The following FOXO3 variants were observed in gnomAD, a reference collection of about 807,000 sequenced individuals.
FOXO3 encodes forkhead box protein O3.
Under a neutral mutation model 41.9 loss-of-function variants are expected in FOXO3, and 4 were observed. That is an observed-to-expected ratio of 0.10 (90% CI 0.05 to 0.22). The LOEUF (loss-of-function observed/expected upper bound fraction) is 0.22. Among genes scored for constraint, FOXO3 ranks in the 10% least tolerant of loss-of-function variants. The pLI, the probability that FOXO3 is intolerant of heterozygous loss-of-function variation, is 1.00. For missense variants in FOXO3, 534 were observed against 906.8 expected (o/e 0.59, Z 5.28); for synonymous variants, 318 against 389.3 (o/e 0.82, Z 2.16).
At chr6:108,639,254 A>T (rs1347879730) in intron 1 of FOXO3, among the ~76,000 whole-genome samples, 1 of 152,128 alleles carries the variant, frequency 6.6e-6, no homozygotes, top group African/African-American at 2.4e-5. Context: ...GCTTCCTTTC[A>T]TATGCAAAGC....
Position 108,682,334 on chromosome 6 carries a change from A to C in FOXO3, c.*2542A>C, listed in dbSNP as rs1004640059. On this transcript the variant is annotated 3_prime_UTR_variant, in exon 3 of 3. Coordinates refer to ENST00000406360, the MANE Select transcript of FOXO3 (RefSeq NM_001455.4). ...AAGGGACAGAGAAGGTACAAGGGCA[A>C]GGCAGCACAAAACAGATCAGGAGAA... is the stretch of plus-strand genomic sequence containing the variant. 1 of 152,646 alleles carries C rather than the reference A, an allele frequency of 6.6e-6. No individual in the cohort carries two copies. Among genetic ancestry groups the C allele is most frequent in the Non-Finnish European group, 1.5e-5 (1 of 68,046 alleles). 9.5% of individuals were successfully genotyped at this position (152,646 alleles called of 1,614,324 possible).
intron 2 of FOXO3, among the ~76,000 whole-genome samples, chr6:108,677,473 GTC>G (rs960535005): frequency 6.6e-6 from 1 of 152,164 alleles, no homozygotes; most frequent in Non-Finnish European, 1.5e-5. Flanking sequence ...CACACTCCCT[GTC>G]TCTGTACTTG....
chr6:108,669,021 G>T (rs1023345994), intron 2 of FOXO3, among the ~76,000 whole-genome samples: 1 of 152,184 alleles, frequency 6.6e-6, no homozygotes, highest in Non-Finnish European at 1.5e-5. Flanking sequence ...GCTGAGGCAG[G>T]AGAATGGCGT....
At chr6:108,570,515 T>G in intron 1 of FOXO3, among the ~76,000 whole-genome samples, 1 of 151,968 alleles carries the variant, frequency 6.6e-6, no homozygotes, top group Non-Finnish European at 1.5e-5. Context: ...TTTGTAGAGA[T>G]ATGAGGTCTC....
At chr6:108,626,068 A>T (rs1319285262) in intron 1 of FOXO3, among the ~76,000 whole-genome samples, 1 of 152,196 alleles carries the variant, frequency 6.6e-6, no homozygotes, top group Non-Finnish European at 1.5e-5. Context: ...GTCTGAGGCT[A>T]TTTAGTGTAG....
At chr6:108,606,291 G>A (rs1777198412) in intron 1 of FOXO3, among the ~76,000 whole-genome samples, 1 of 152,186 alleles carries the variant, frequency 6.6e-6, no homozygotes, top group Admixed American at 6.5e-5. Flanking sequence ...TCTGAATCCA[G>A]TTCCACAGTA....
At chr6:108,649,955 A>G (rs922483373) in intron 1 of FOXO3, among the ~76,000 whole-genome samples, 10 of 152,146 alleles carry the variant, frequency 6.6e-5, no homozygotes, top group Admixed American at 5.9e-4. Context: ...TGGCCCCCAT[A>G]TATTTAATGA....
chr6:108,574,126 C>T (rs1426519571), intron 1 of FOXO3, among the ~76,000 whole-genome samples: 1 of 145,988 alleles, frequency 6.8e-6, no homozygotes, highest in East Asian at 2.0e-4. Context: ...GCACTTCAGC[C>T]TGGGCGACAG....
At position 108,664,062 on chromosome 6, in the gene FOXO3, G is replaced by A. The variant is rs769809854; in HGVS notation, c.1229G>A (p.Arg410Gln). ...QPSPTGGLMQ[R>Q]SSSFPYTTKG... ...TCGCCCACTGGGGGACTCATGCAGC[G>A]GAGCTCTAGCTTCCCGTATACCACC... The change falls in exon 2 of 3, where the codon CGG becomes CAG. Residue 410 changes from arginine (R) to glutamine (Q), a missense_variant. Arg to Gln is a conservative substitution (Grantham distance 43). This residue lies in a region of FOXO3 where 185 missense variants were observed against 224.9 expected (regional missense o/e 0.82). Transcript: ENST00000406360. 28 of 1,614,058 alleles carry A rather than the reference G, an allele frequency of 1.7e-5. No homozygotes were observed. The highest frequency in any genetic ancestry group is 1.7e-4 in the Admixed American group (10 of 60,006).
intron 1 of FOXO3, among the ~76,000 whole-genome samples, chr6:108,571,807 A>C (rs529084679): frequency 6.6e-6 from 1 of 152,322 alleles, no homozygotes; most frequent in African/African-American, 2.4e-5. Flanking sequence ...TCGTTATGGC[A>C]GTCCTAAGAA....
chr6:108,622,100 T>C (rs1402128662), intron 1 of FOXO3, among the ~76,000 whole-genome samples: 1 of 151,572 alleles, frequency 6.6e-6, no homozygotes, highest in African/African-American at 2.4e-5. Flanking sequence ...CTACTAACAA[T>C]ACAAAAAAAT....
At chr6:108,630,746 G>A (rs1204929034) in intron 1 of FOXO3, among the ~76,000 whole-genome samples, 2 of 152,018 alleles carry the variant, frequency 1.3e-5, no homozygotes, top group Non-Finnish European at 2.9e-5. Context: ...TTTGCAACAT[G>A]TTTTGCTTTA....
intron 1 of FOXO3, among the ~76,000 whole-genome samples, chr6:108,639,299 A>G (rs1749355024): frequency 6.6e-6 from 1 of 152,164 alleles, no homozygotes; most frequent in African/African-American, 2.4e-5. Context: ...GGGCACTGAA[A>G]CAAGAACTCC....
At chr6:108,675,044 A>G (rs1359507348) in intron 2 of FOXO3, among the ~76,000 whole-genome samples, 2 of 152,156 alleles carry the variant, frequency 1.3e-5, no homozygotes, top group African/African-American at 4.8e-5. Flanking sequence ...TCGACTCTGG[A>G]TATGTGAAAA....
chr6:108,622,426 G>A, intron 1 of FOXO3, among the ~76,000 whole-genome samples: 1 of 152,104 alleles, frequency 6.6e-6, no homozygotes, highest in East Asian at 1.9e-4. Flanking sequence ...TTCCTTTTGG[G>A]GTCAAATGAG....
At chr6:108,631,223 T>C (rs1012844425) in intron 1 of FOXO3, among the ~76,000 whole-genome samples, 2 of 152,050 alleles carry the variant, frequency 1.3e-5, no homozygotes, top group Non-Finnish European at 2.9e-5. Flanking sequence ...CCTGGGGAAA[T>C]AGTGGCAAGC....
In FOXO3 at chr6:108,605,132, T is replaced by C. The variant is rs560585539; in HGVS notation, c.621+43303T>C. ...TCTAATACTAACTTTTCTTTTTTTTTCCCTGAGACGGAGTCTCATTCTGTC... is the reference window on the plus strand; with the variant it reads ...TCTAATACTAACTTTTCTTTTTTTTCCCCTGAGACGGAGTCTCATTCTGTC... On this transcript the variant is annotated intron_variant, in intron 1 of 2. Transcript: ENST00000406360. 7.9e-5 allele frequency among the ~76,000 whole-genome samples: 12 copies of C among 152,272 alleles called. 1 individual carries two copies. Among genetic ancestry groups the C allele is most frequent in the East Asian group, 5.8e-4 (3 of 5,180 alleles).
At chr6:108,610,294 T>C (rs1166762256) in intron 1 of FOXO3, among the ~76,000 whole-genome samples, 2 of 152,234 alleles carry the variant, frequency 1.3e-5, no homozygotes, top group Non-Finnish European at 2.9e-5. Context: ...CTAAGAGTCC[T>C]GTAAATTGCT....
At chr6:108,616,163 T>TG (rs1376034554) in intron 1 of FOXO3, among the ~76,000 whole-genome samples, 2 of 135,930 alleles carry the variant, frequency 1.5e-5, no homozygotes, top group Admixed American at 7.3e-5. Flanking sequence ...AAGGTTTTTT[T>TG]TTTTTTTTTT....
Sources: gnomAD v4.1 joint callset for allele counts (sites outside exome capture counted in the v4.1 genomes callset) on GRCh38, gnomAD v4.1.1 for gene constraint, gnomAD v4.1.1 regional missense constraint, MANE v1.5 for transcripts, NCBI Gene and HGNC (gene_info 2026-07-23, HGNC 2026-07-21) for gene names.